Variants in EPHA3 observed in about 807,000 individuals in gnomAD.
The protein encoded by EPHA3 is EPH receptor A3.
Under a neutral mutation model 107.1 loss-of-function variants are expected in EPHA3, and 42 were observed. The ratio of observed to expected loss-of-function variants is 0.39; its 90% CI spans 0.31 to 0.51. The LOEUF (loss-of-function observed/expected upper bound fraction) is 0.51. Among genes scored for constraint, EPHA3 ranks in the 20% least tolerant of loss-of-function variants. The pLI is 0.78. For synonymous variants in EPHA3, 461 were observed against 424.8 expected (o/e 1.09, Z -1.05); for missense variants, 1,183 against 1,211.2 (o/e 0.98, Z 0.35).
At chr3:89,318,527 C>T (rs1305765938) in intron 3 of EPHA3, among the ~76,000 whole-genome samples, 1 of 151,808 alleles carries the variant, frequency 6.6e-6, no homozygotes, top group African/African-American at 2.4e-5. Context: ...TCCTGGCCCT[C>T]AATCATTTGC....
At chr3:89,219,703 GTT>G (rs796857390) in intron 3 of EPHA3, among the ~76,000 whole-genome samples, 2 of 26,238 alleles carry the variant, frequency 7.6e-5, no homozygotes, top group South Asian at 2.0e-3. Flanking sequence ...TTTTTTTTTT[GTT>G]TTTTGTTTTT....
intron 16 of EPHA3, among the ~76,000 whole-genome samples, chr3:89,476,585 TTTTA>T (rs60237041): frequency 3.0e-4 from 39 of 129,070 alleles, no homozygotes; most frequent in Admixed American, 7.8e-4. Context: ...CTATTATTAT[TTTTA>T]TTTATTTATT....
intron 3 of EPHA3, among the ~76,000 whole-genome samples, chr3:89,330,612 T>G (rs1320917511): frequency 1.3e-5 from 2 of 152,098 alleles, no homozygotes; most frequent in African/African-American, 2.4e-5. Flanking sequence ...TAAAGCCAAT[T>G]TAAAGGACTT....
intron 3 of EPHA3, among the ~76,000 whole-genome samples, chr3:89,247,768 T>A (rs1250080190): frequency 1.3e-5 from 2 of 152,076 alleles, no homozygotes. Flanking sequence ...AATTTGAGTC[T>A]AAATTTTATT....
intron 3 of EPHA3, among the ~76,000 whole-genome samples, chr3:89,235,360 C>T (rs1379748518): frequency 6.6e-6 from 1 of 152,074 alleles, no homozygotes; most frequent in Non-Finnish European, 1.5e-5. Context: ...TTTCTAATAA[C>T]AATCTAGAGA....
intron 3 of EPHA3, among the ~76,000 whole-genome samples, chr3:89,337,642 A>G (rs1293094710): frequency 2.6e-5 from 4 of 152,232 alleles, no homozygotes; most frequent in Admixed American, 2.6e-4. Context: ...GTCTGTCCCT[A>G]AACTGTGTGT....
At chr3:89,148,175 G>A (rs1704609824) in intron 2 of EPHA3, among the ~76,000 whole-genome samples, 1 of 151,892 alleles carries the variant, frequency 6.6e-6, no homozygotes, top group African/African-American at 2.4e-5. Context: ...ATGTGTGTCT[G>A]TGTTTTTAAA....
rs55836286 is a variant in EPHA3, at chr3:89,479,436, G to A, written c.2886G>A (p.Gln962=). 1.9e-6 allele frequency: 3 copies of A among 1,614,132 alleles called. No individual in the cohort carries two copies. Among genetic ancestry groups the A allele is most frequent in the East Asian group, 4.5e-5 (2 of 44,878 alleles). The change falls in exon 17 of 17, where the codon CAG becomes CAA. Residue 962 remains glutamine (Q), a synonymous_variant. Coordinates refer to ENST00000336596, the MANE Select transcript of EPHA3 (RefSeq NM_005233.6). ...KKVGVTVVGP[Q]KKIISSIKAL... is the part of the protein sequence containing the mutation. ...TTGGTGTCACCGTGGTTGGGCCACA[G>A]AAGAAGATCATCAGTAGCATTAAAG... is the stretch of plus-strand genomic sequence containing the variant.
chr3:89,107,976 C>CT (rs35490136), intron 1 of EPHA3, 140 bp downstream of exon 1: 69,257 of 591,416 alleles, frequency 0.12, 1,831 homozygotes, highest in Middle Eastern at 0.19. Flanking sequence ...AAAGATGTGC[C>CT]TTTTTTTTTT....
chr3:89,384,636 A>G (rs1178787225), intron 5 of EPHA3, among the ~76,000 whole-genome samples: 8 of 152,218 alleles, frequency 5.3e-5, no homozygotes, highest in South Asian at 4.1e-4. Context: ...AAGCATTTTG[A>G]GGGTATCTTA....
intron 3 of EPHA3, among the ~76,000 whole-genome samples, chr3:89,225,439 G>T (rs1704481610): frequency 6.6e-6 from 1 of 152,106 alleles, no homozygotes; most frequent in South Asian, 2.1e-4. Context: ...ATACATCTCA[G>T]CCTGTTGCAT....
At chr3:89,195,064 A>G (rs1442480293) in intron 2 of EPHA3, among the ~76,000 whole-genome samples, 3 of 152,038 alleles carry the variant, frequency 2.0e-5, no homozygotes, top group Non-Finnish European at 2.9e-5. Context: ...TAAGATTTCT[A>G]AAACTTTAAT....
intron 3 of EPHA3, among the ~76,000 whole-genome samples, chr3:89,302,892 T>A (rs1161704910): frequency 6.6e-6 from 1 of 152,110 alleles, no homozygotes; most frequent in Admixed American, 6.6e-5. Flanking sequence ...ATTCTTTTTT[T>A]ATTTTATTTA....
intron 3 of EPHA3, among the ~76,000 whole-genome samples, chr3:89,284,130 G>A (rs924132407): frequency 2.6e-5 from 4 of 152,040 alleles, no homozygotes; most frequent in Admixed American, 2.0e-4. Flanking sequence ...TATATCTAAA[G>A]CCCACATTTG....
chr3:89,386,165 G>C (rs1708617158), intron 5 of EPHA3, among the ~76,000 whole-genome samples: 1 of 149,056 alleles, frequency 6.7e-6, no homozygotes, highest in Admixed American at 6.6e-5. Context: ...TCATTTTGGT[G>C]GGGGAGAAAT....
At chr3:89,432,524 C>T (rs1318723420) in intron 13 of EPHA3, among the ~76,000 whole-genome samples, 1 of 152,042 alleles carries the variant, frequency 6.6e-6, no homozygotes, top group Non-Finnish European at 1.5e-5. Flanking sequence ...CCCTCCTCAG[C>T]CTGCTGAGTA....
chr3:89,144,287 C>T (rs1704490186), intron 2 of EPHA3, among the ~76,000 whole-genome samples: 1 of 151,646 alleles, frequency 6.6e-6, no homozygotes, highest in African/African-American at 2.4e-5. Flanking sequence ...TGCTGACTGT[C>T]GTTTTCCCTG....
At chr3:89,151,664 G>C (rs952118656) in intron 2 of EPHA3, among the ~76,000 whole-genome samples, 1 of 151,922 alleles carries the variant, frequency 6.6e-6, no homozygotes, top group Non-Finnish European at 1.5e-5. Flanking sequence ...TTCAATCATT[G>C]GAGCATAATT....
chr3:89,169,974 C>T (rs9883005), intron 2 of EPHA3, among the ~76,000 whole-genome samples: 35,190 of 151,890 alleles, frequency 0.23, 4,197 homozygotes, highest in Middle Eastern at 0.33. Flanking sequence ...CTCGGCGGGG[C>T]GCGGTGACTC....
Sources: allele counts gnomAD v4.1 joint callset (sites outside exome capture counted in the v4.1 genomes callset), GRCh38; gene constraint gnomAD v4.1.1; transcripts MANE v1.5; gene names NCBI Gene and HGNC (gene_info 2026-07-23, HGNC 2026-07-21).